Variants in THSD7A observed in about 807,000 individuals in gnomAD.
THSD7A encodes thrombospondin type 1 domain containing 7A.
Under a neutral mutation model 231.3 loss-of-function variants are expected in THSD7A, and 96 were observed. The ratio of observed to expected loss-of-function variants is 0.41; its 90% CI spans 0.35 to 0.49. The LOEUF (loss-of-function observed/expected upper bound fraction) is 0.49, where lower values mean the gene tolerates loss of function less well. Among genes scored for constraint, THSD7A ranks in the 20% least tolerant of loss-of-function variants. The pLI, the probability that THSD7A is intolerant of heterozygous loss-of-function variation, is 0.05. For synonymous variants in THSD7A, 940 were observed against 743.3 expected (o/e 1.26, Z -4.30); for missense variants, 2,290 against 2,070.2 (o/e 1.11, Z -2.06).
chr7:11,515,004 T>C (rs1361156584), intron 6 of THSD7A, among the ~76,000 whole-genome samples: 2 of 152,190 alleles, frequency 1.3e-5, no homozygotes, highest in South Asian at 4.1e-4. Flanking sequence ...TTTATACTCA[T>C]TTGAATCCGT....
chr7:11,725,922 C>T (rs964050820), intron 1 of THSD7A, among the ~76,000 whole-genome samples: 2 of 151,776 alleles, frequency 1.3e-5, no homozygotes, highest in Non-Finnish European at 2.9e-5. Context: ...TTACAGTATG[C>T]CTCTATTACA....
chr7:11,829,609 G>T (rs1326899976), intron 1 of THSD7A, among the ~76,000 whole-genome samples: 1 of 151,978 alleles, frequency 6.6e-6, no homozygotes, highest in Non-Finnish European at 1.5e-5. Context: ...CAGATATTTT[G>T]GAGTATGTCA....
rs1157661688 is a variant in THSD7A at position 11,632,115 on chromosome 7, C to G, written c.1022+4015G>C. The stretch of plus-strand genomic sequence containing the variant: ...ATCGTTATTACCATAGAGTATAATG[C>G]ACTTAATTATCTTGTGAAGTTAGCC... On this transcript the variant is annotated intron_variant, in intron 2 of 27. Transcript: ENST00000423059. The surrounding 1 kb of genome is among the most constrained non-coding windows in gnomAD (Gnocchi z 4.1). Among the ~76,000 whole-genome samples, 5 of 152,036 alleles carry G rather than the reference C, an allele frequency of 3.3e-5. No homozygotes were observed. Among genetic ancestry groups the G allele is most frequent in the African/African-American group, 4.8e-5 (2 of 41,374 alleles).
intron 1 of THSD7A, among the ~76,000 whole-genome samples, chr7:11,684,413 T>A (rs1779956987): frequency 6.7e-6 from 1 of 149,018 alleles, no homozygotes; most frequent in Non-Finnish European, 1.5e-5. Context: ...AAAAAAGACA[T>A]TGAAATAGAA....
intron 6 of THSD7A, among the ~76,000 whole-genome samples, chr7:11,529,242 A>T (rs1053300873): frequency 6.6e-6 from 1 of 152,060 alleles, no homozygotes; most frequent in Non-Finnish European, 1.5e-5. Flanking sequence ...AGGTGAAATA[A>T]TTTTTTTATT....
At chr7:11,669,354 A>T (rs2128377456) in intron 1 of THSD7A, among the ~76,000 whole-genome samples, 1 of 152,048 alleles carries the variant, frequency 6.6e-6, no homozygotes, top group South Asian at 2.1e-4. Flanking sequence ...TAATATATAT[A>T]TTTTTCTTTC....
intron 6 of THSD7A, among the ~76,000 whole-genome samples, chr7:11,486,109 C>G (rs1250906505): frequency 2.0e-5 from 3 of 152,160 alleles, no homozygotes; most frequent in Non-Finnish European, 2.9e-5. Context: ...CTTGTCAATT[C>G]CAGCCACTTT....
chr7:11,394,792 A>G, intron 23 of THSD7A, among the ~76,000 whole-genome samples: 1 of 152,146 alleles, frequency 6.6e-6, no homozygotes, highest in Non-Finnish European at 1.5e-5. Flanking sequence ...CTTACACTGC[A>G]TACCTGTGGC....
intron 1 of THSD7A, among the ~76,000 whole-genome samples, chr7:11,737,991 G>GCTTA (rs1781974199): frequency 6.6e-6 from 1 of 151,824 alleles, no homozygotes; most frequent in African/African-American, 2.4e-5. Flanking sequence ...TATTCTAGAT[G>GCTTA]CTTACATCAC....
chr7:11,767,038 T>C (rs1783052189), intron 1 of THSD7A, among the ~76,000 whole-genome samples: 1 of 152,162 alleles, frequency 6.6e-6, no homozygotes, highest in African/African-American at 2.4e-5. Context: ...TACAGAAAAC[T>C]TCTTTTAATG....
At chr7:11,812,541 G>C (rs1436866475) in intron 1 of THSD7A, among the ~76,000 whole-genome samples, 1 of 152,108 alleles carries the variant, frequency 6.6e-6, no homozygotes, top group Non-Finnish European at 1.5e-5. Context: ...ACATGGTAAA[G>C]TGATCAGTCA....
At chr7:11,633,432 C>T (rs1781725756) in intron 2 of THSD7A, among the ~76,000 whole-genome samples, 1 of 152,116 alleles carries the variant, frequency 6.6e-6, no homozygotes, top group Non-Finnish European at 1.5e-5. Flanking sequence ...TTATGCTATT[C>T]TGATTTCAAG....
At chr7:11,597,527 C>T (rs976307832) in intron 2 of THSD7A, among the ~76,000 whole-genome samples, 1 of 152,172 alleles carries the variant, frequency 6.6e-6, no homozygotes, top group African/African-American at 2.4e-5. Flanking sequence ...GATAGGCATG[C>T]TGTTTGGAGC....
At chr7:11,662,074 T>A (rs1192736891) in intron 1 of THSD7A, among the ~76,000 whole-genome samples, 1 of 150,894 alleles carries the variant, frequency 6.6e-6, no homozygotes, top group Non-Finnish European at 1.5e-5. Context: ...ATAGAAGAGT[T>A]GGAAAAAATA....
chr7:11,703,661 A>G (rs1385580546), intron 1 of THSD7A, among the ~76,000 whole-genome samples: 1 of 151,300 alleles, frequency 6.6e-6, no homozygotes, highest in Non-Finnish European at 1.5e-5. Context: ...TATTAAAATT[A>G]AAATGTACAA....
chr7:11,630,679 T>C (rs1781619859), intron 2 of THSD7A, among the ~76,000 whole-genome samples: 1 of 152,216 alleles, frequency 6.6e-6, no homozygotes. Flanking sequence ...ATGCTTCTCC[T>C]GGAATTATAA....
At chr7:11,449,955 G>A (rs1008879066) in intron 11 of THSD7A, among the ~76,000 whole-genome samples, 5 of 152,050 alleles carry the variant, frequency 3.3e-5, no homozygotes, top group African/African-American at 1.2e-4. Context: ...GGGTTTCACT[G>A]TTTGTAACTA....
rs564974790 is a variant in THSD7A at position 11,541,426 on chromosome 7, G to A, written c.1815C>T (p.Asn605=). ...TAGATACGTCTGTCTTACCATCACT[G>A]TTGATGCACACAACCTCTTGAACTT... is the stretch of plus-strand genomic sequence containing the variant. The part of the protein sequence containing the change: ...GTQVQEVVCI[N]SDGEEVDRQL... Residue 605 remains asparagine (N), a synonymous_variant, in exon 6 of 28, where the codon AAC becomes AAT. Coordinates refer to ENST00000423059, the MANE Select transcript of THSD7A (RefSeq NM_015204.3). 5.6e-6 allele frequency: 9 copies of A among 1,613,930 alleles called. No homozygotes were observed. Among genetic ancestry groups the A allele is most frequent in the Admixed American group, 3.3e-5 (2 of 60,000 alleles).
At chr7:11,426,576 C>A in intron 15 of THSD7A, 90 bp downstream of exon 15, 4 of 1,344,580 alleles carry the variant, frequency 3.0e-6, no homozygotes, top group South Asian at 1.4e-5. Context: ...ACATAAAAGA[C>A]AAAGCAAGAA....
Sources: allele counts gnomAD v4.1 joint callset (sites outside exome capture counted in the v4.1 genomes callset), GRCh38; gene constraint gnomAD v4.1.1; non-coding constraint Gnocchi (gnomAD v3.1); transcripts MANE v1.5; gene names NCBI Gene and HGNC (gene_info 2026-07-23, HGNC 2026-07-21).